Variants in DPH6 observed in about 807,000 individuals in gnomAD.
DPH6 encodes the protein diphthine--ammonia ligase.
A neutral mutation model predicts 38.2 loss-of-function variants in DPH6; 33 were observed. The ratio of observed to expected loss-of-function variants is 0.86; its 90% confidence interval spans 0.65 to 1.15. The LOEUF (loss-of-function observed/expected upper bound fraction) is 1.15, where lower values mean the gene tolerates loss of function less well. Among genes scored for constraint, DPH6 ranks in the 50% most tolerant of loss-of-function variants. The pLI, the probability that DPH6 is intolerant of heterozygous loss-of-function variation, is 0.00. For synonymous variants in DPH6, 108 were observed against 103.0 expected, an observed-to-expected ratio of 1.05 and a Z score of -0.30; for missense variants, 325 against 320.0, an observed-to-expected ratio of 1.02 and a Z score of -0.12.
At chr15:35,456,765 C>G (rs746099630) in intron 3 of DPH6, among the ~76,000 whole-genome samples, 1 of 151,838 alleles carries the variant, frequency 6.6e-6, no homozygotes, top group Non-Finnish European at 1.5e-5. Context: ...GGATTACAGG[C>G]GTGAGCCACT....
intron 3 of DPH6, among the ~76,000 whole-genome samples, chr15:35,356,103 A>G (rs1251112793): frequency 6.6e-6 from 1 of 152,130 alleles, no homozygotes; most frequent in African/African-American, 2.4e-5. Flanking sequence ...TATTCGTCAC[A>G]TAGTTCTCGT....
intron 3 of DPH6, among the ~76,000 whole-genome samples, chr15:35,535,617 C>G (rs917126384): frequency 1.8e-5 from 2 of 110,134 alleles, no homozygotes; most frequent in African/African-American, 5.1e-5. Flanking sequence ...TTGGAAATTA[C>G]TGTATTTTCA....
At chr15:35,258,842 T>C (rs1456285605) in intron 3 of DPH6, among the ~76,000 whole-genome samples, 1 of 152,044 alleles carries the variant, frequency 6.6e-6, no homozygotes, top group Non-Finnish European at 1.5e-5. Context: ...TCCATATGCA[T>C]CTTCTCCTTA....
the DPH6 span, among the ~76,000 whole-genome samples, chr15:35,147,296 C>T: frequency 2.0e-5 from 3 of 152,066 alleles, no homozygotes; most frequent in African/African-American, 4.8e-5. Context: ...GCTTACCTTC[C>T]GACGCCTTTC....
chr15:35,466,014 G>C (rs957935683), intron 3 of DPH6, among the ~76,000 whole-genome samples: 2 of 152,030 alleles, frequency 1.3e-5, no homozygotes, highest in African/African-American at 4.8e-5. Context: ...TATTTTCCTT[G>C]AGTTTCTGAA....
intron 3 of DPH6, among the ~76,000 whole-genome samples, chr15:35,337,669 T>G (rs1199230713): frequency 6.6e-6 from 1 of 152,128 alleles, no homozygotes; most frequent in African/African-American, 2.4e-5. Context: ...TTCACAGAAT[T>G]GGAAAAAACT....
chr15:35,237,928 AGAGGAG>A, intron 3 of DPH6: 1 of 1,386,696 alleles, frequency 7.2e-7, no homozygotes, highest in South Asian at 1.2e-5. Context: ...ACGTGAGTGG[AGAGGAG>A]GAGGAGGATG....
At chr15:35,410,798 A>G in intron 6 of DPH6, 37 bp downstream of exon 6, 1 of 1,545,798 alleles carries the variant, frequency 6.5e-7, no homozygotes, top group South Asian at 1.2e-5. Flanking sequence ...TTTCTCCTTT[A>G]GATGGCTACA....
chr15:35,180,916 T>C, the DPH6 span, among the ~76,000 whole-genome samples: 1,200 of 152,332 alleles, frequency 7.9e-3, 5 homozygotes, highest in South Asian at 0.013. Flanking sequence ...AAATTCTGTT[T>C]TTATCTATTT....
At chr15:35,528,030 A>G (rs2055030892) in intron 3 of DPH6, among the ~76,000 whole-genome samples, 1 of 152,208 alleles carries the variant, frequency 6.6e-6, no homozygotes, top group Non-Finnish European at 1.5e-5. Flanking sequence ...CCAAAAGGCT[A>G]CAGAATCTAT....
rs560995236 is a variant in DPH6, at chr15:35,455,632, TATAAGATA to T, written c.313-820_313-813del. ...CCAAGGTGAGATTTAATGTAAAGAG[TATAAGATA>T]ATACACTTAGGGAAGAATAATACAC... On this transcript the variant is annotated intron_variant, in intron 3 of 8. Coordinates refer to ENST00000256538, the MANE Select transcript of DPH6 (RefSeq NM_080650.4). 5.8e-4 allele frequency among the ~76,000 whole-genome samples: 88 copies of T among 152,152 alleles called. 2 individuals carry two copies. In the South Asian group the frequency reaches 0.018, roughly 31 times the overall value.
intron 3 of DPH6, among the ~76,000 whole-genome samples, chr15:35,260,579 TA>T (rs1241969877): frequency 6.6e-6 from 1 of 151,710 alleles, no homozygotes; most frequent in South Asian, 2.1e-4. Context: ...ACTTCATTTA[TA>T]AAAAAATGTT....
At chr15:35,327,591 C>T (rs1225393392), downstream of DPH6, among the ~76,000 whole-genome samples, 1 of 152,018 alleles carries the variant, frequency 6.6e-6, no homozygotes, top group Non-Finnish European at 1.5e-5. Flanking sequence ...GTGATCTGCC[C>T]ACCTCGGCCT....
At chr15:35,256,076 G>A (rs1379753992) in intron 3 of DPH6, among the ~76,000 whole-genome samples, 3 of 152,000 alleles carry the variant, frequency 2.0e-5, no homozygotes, top group Non-Finnish European at 4.4e-5. Flanking sequence ...TGCAAGGATA[G>A]TACAAAGTTC....
chr15:35,439,505 A>C (rs1334964510), intron 5 of DPH6, among the ~76,000 whole-genome samples: 1 of 152,210 alleles, frequency 6.6e-6, no homozygotes, highest in Non-Finnish European at 1.5e-5. Flanking sequence ...AATCGGAGAA[A>C]CTGGTTGTTT....
chr15:35,247,965 AG>A (rs1312815371), intron 3 of DPH6, among the ~76,000 whole-genome samples: 1 of 152,220 alleles, frequency 6.6e-6, no homozygotes, highest in Non-Finnish European at 1.5e-5. Flanking sequence ...CTGATTTAAA[AG>A]GGGGAAATGT....
the DPH6 span, among the ~76,000 whole-genome samples, chr15:35,195,077 A>C: frequency 6.6e-6 from 1 of 151,746 alleles, no homozygotes; most frequent in African/African-American, 2.4e-5. Flanking sequence ...CTTTCTCCAC[A>C]CCCTTCCTGG....
the DPH6 span, among the ~76,000 whole-genome samples, chr15:35,210,683 G>A: frequency 1.3e-5 from 2 of 152,016 alleles, no homozygotes; most frequent in East Asian, 3.8e-4. Flanking sequence ...CATAATATAT[G>A]CCCCAATTAA....
At chr15:35,349,727 C>T (rs1462054068) in intron 3 of DPH6, among the ~76,000 whole-genome samples, 1 of 152,112 alleles carries the variant, frequency 6.6e-6, no homozygotes, top group Admixed American at 6.5e-5. Flanking sequence ...GAGCCACTGC[C>T]CCTGGCCTAT....
Sources: allele counts gnomAD v4.1 joint callset (sites outside exome capture counted in the v4.1 genomes callset), GRCh38; gene constraint gnomAD v4.1.1; transcripts MANE v1.5; gene names NCBI Gene and HGNC (gene_info 2026-07-23, HGNC 2026-07-21).